Variants in MBNL1 observed in about 807,000 individuals in gnomAD.
MBNL1 encodes the protein muscleblind-like protein 1.
Under a neutral mutation model 42.2 loss-of-function variants are expected in MBNL1, and 8 were observed. That is an observed-to-expected ratio of 0.19 (90% CI 0.11 to 0.34). The LOEUF (loss-of-function observed/expected upper bound fraction) is 0.34. MBNL1 is among the 10% of genes least tolerant of loss of function. The probability of loss-of-function intolerance (pLI) is 1.00; values close to 1 mark genes in which losing one functional copy is unlikely to be tolerated. For synonymous variants in MBNL1, 169 were observed against 173.9 expected, an observed-to-expected ratio of 0.97 and a Z score of 0.22; for missense variants, 309 against 495.3, an observed-to-expected ratio of 0.62 and a Z score of 3.57.
intron 3 of MBNL1, among the ~76,000 whole-genome samples, chr3:152,417,798 G>A (rs16864281): frequency 0.016 from 2,413 of 152,224 alleles, 56 homozygotes; most frequent in African/African-American, 0.055. Flanking sequence ...AGTTACAGAG[G>A]CTGCAACATA....
intron 6 of MBNL1, among the ~76,000 whole-genome samples, chr3:152,451,862 AT>A (rs531979669): frequency 1.6e-4 from 24 of 152,168 alleles, no homozygotes; most frequent in African/African-American, 5.1e-4. Flanking sequence ...TAATATTTTC[AT>A]TTTACGAATG....
intron 2 of MBNL1, among the ~76,000 whole-genome samples, chr3:152,412,781 G>A (rs927943211): frequency 6.6e-6 from 1 of 152,174 alleles, no homozygotes; most frequent in African/African-American, 2.4e-5. Flanking sequence ...ACCACAGTTA[G>A]TGTTGGAAGG....
chr3:152,322,126 C>G (rs1285163099), intron 2 of MBNL1, among the ~76,000 whole-genome samples: 2 of 151,982 alleles, frequency 1.3e-5, no homozygotes, highest in African/African-American at 4.8e-5. Context: ...AACATTAGAA[C>G]TCTGTCATAC....
chr3:152,424,554 A>G (rs1279828281), intron 3 of MBNL1, among the ~76,000 whole-genome samples: 1 of 150,334 alleles, frequency 6.7e-6, no homozygotes, highest in East Asian at 1.9e-4. Context: ...GACTTTCTTC[A>G]CAGAATTAGA....
intron 2 of MBNL1, among the ~76,000 whole-genome samples, chr3:152,337,641 G>A: frequency 6.7e-6 from 1 of 148,252 alleles, no homozygotes; most frequent in Non-Finnish European, 1.5e-5. Context: ...AAAAAAAAAA[G>A]GAAAAGAAAC....
chr3:152,339,262 G>A (rs1439804311), intron 2 of MBNL1, among the ~76,000 whole-genome samples: 2 of 151,802 alleles, frequency 1.3e-5, no homozygotes, highest in African/African-American at 4.8e-5. Flanking sequence ...ATTTTAAAGG[G>A]AAAAAAATTA....
Position 152,271,091 on chromosome 3 carries a change from G to A in MBNL1, c.-790+1999G>A, listed in dbSNP as rs545593967. On this transcript the variant is annotated intron_variant, in intron 1 of 9. Coordinates refer to ENST00000324210, the MANE Select transcript of MBNL1 (RefSeq NM_021038.5). The stretch of plus-strand genomic sequence containing the variant: ...AAATTTGTGTGTAGATACACATCAA[G>A]TGTGGTACTCTGCGCAGTCATGCCA... Among the ~76,000 whole-genome samples the A allele has an allele frequency of 3.8e-4, 58 of 152,172 alleles. No individual in the cohort carries two copies. In the Middle Eastern group the frequency reaches 0.014, roughly 36 times the overall value.
chr3:152,371,969 T>A (rs2153233966), intron 2 of MBNL1, among the ~76,000 whole-genome samples: 1 of 152,322 alleles, frequency 6.6e-6, no homozygotes, highest in East Asian at 1.9e-4. Context: ...TCTCACATAG[T>A]CCCATATTTC....
In MBNL1 at chr3:152,464,649, A is replaced by T. The variant is rs1274804103; in HGVS notation, c.*2283A>T. On this transcript the variant is annotated 3_prime_UTR_variant, in exon 10 of 10. Coordinates refer to ENST00000324210, the MANE Select transcript of MBNL1 (RefSeq NM_021038.5). ...AAATCCCTGAGTATCAGGCCTTGTT[A>T]TAAATAAGCTGCATAATCAATAAAT... 1 of 152,622 alleles carries T rather than the reference A, an allele frequency of 6.6e-6. No individual in the cohort carries two copies. The highest frequency in any genetic ancestry group is 2.4e-5 in the African/African-American group (1 of 41,462). The allele number at this position is 152,622 out of a possible 1,614,324, so 9.5% of individuals were successfully genotyped here. A position where few individuals can be genotyped will look rare whatever the true frequency, so the allele number is the denominator to read the frequency against.
intron 2 of MBNL1, among the ~76,000 whole-genome samples, chr3:152,311,646 A>AT (rs1441782226): frequency 6.6e-6 from 1 of 151,832 alleles, no homozygotes; most frequent in Non-Finnish European, 1.5e-5. Context: ...AGTAGGTAGA[A>AT]TTTTTTTCAT....
chr3:152,244,415 A>G (rs2032391822), exon 2 of MBNL1: 1 of 103,320 alleles, frequency 9.7e-6, no homozygotes, highest in South Asian at 3.3e-4. Flanking sequence ...AAGCAGCTTA[A>G]CAAGCAACTA....
At chr3:152,277,871 A>G (rs2150174147) in intron 1 of MBNL1, among the ~76,000 whole-genome samples, 1 of 152,254 alleles carries the variant, frequency 6.6e-6, no homozygotes, top group South Asian at 2.1e-4. Context: ...GCCCGTGTCC[A>G]TAAAAATAAT....
intron 6 of MBNL1, among the ~76,000 whole-genome samples, chr3:152,452,487 A>C (rs1336584775): frequency 6.6e-6 from 1 of 152,042 alleles, no homozygotes; most frequent in African/African-American, 2.4e-5. Flanking sequence ...TGCTTCAGTC[A>C]CCGCTGCTCA....
chr3:152,302,682 G>A (rs1347620795), intron 2 of MBNL1, among the ~76,000 whole-genome samples: 13 of 152,110 alleles, frequency 8.5e-5, no homozygotes, highest in Non-Finnish European at 5.9e-5. Context: ...GCGTTATGAG[G>A]TTTCCATGCC....
At chr3:152,399,567 T>C (rs2098127333) in intron 2 of MBNL1, among the ~76,000 whole-genome samples, 1 of 152,158 alleles carries the variant, frequency 6.6e-6, no homozygotes, top group Admixed American at 6.5e-5. Flanking sequence ...GGCTGGAGTA[T>C]AGTAGTGCAA....
At chr3:152,347,513 G>A (rs920711642) in intron 2 of MBNL1, among the ~76,000 whole-genome samples, 6 of 151,918 alleles carry the variant, frequency 3.9e-5, no homozygotes, top group Admixed American at 2.6e-4. Context: ...CAAATATGTC[G>A]ACCTTTATAG....
chr3:152,438,837 G>A (rs2099111883), intron 4 of MBNL1, among the ~76,000 whole-genome samples: 1 of 152,144 alleles, frequency 6.6e-6, no homozygotes, highest in Non-Finnish European at 1.5e-5. Context: ...AGATAAGTTG[G>A]TAAGAACACT....
intron 4 of MBNL1, among the ~76,000 whole-genome samples, chr3:152,444,900 A>G (rs571476933): frequency 6.6e-6 from 1 of 152,342 alleles, no homozygotes; most frequent in Admixed American, 6.5e-5. Context: ...TATCATATCA[A>G]TAGATACACA....
At chr3:152,334,072 A>G (rs1054454401) in intron 2 of MBNL1, among the ~76,000 whole-genome samples, 8 of 152,188 alleles carry the variant, frequency 5.3e-5, no homozygotes, top group Admixed American at 2.0e-4. Flanking sequence ...GCACTTAATG[A>G]GTCTACAGTG....
Sources: gnomAD v4.1 joint callset for allele counts (sites outside exome capture counted in the v4.1 genomes callset) on GRCh38, gnomAD v4.1.1 for gene constraint, MANE v1.5 for transcripts, NCBI Gene and HGNC (gene_info 2026-07-23, HGNC 2026-07-21) for gene names.